Variants in IQGAP2 observed in about 807,000 individuals in gnomAD.
IQGAP2 encodes ras GTPase-activating-like protein IQGAP2.
A neutral mutation model predicts 201.3 loss-of-function variants in IQGAP2; 173 were observed. The ratio of observed to expected loss-of-function variants is 0.86; its 90% CI spans 0.76 to 0.98. The LOEUF (loss-of-function observed/expected upper bound fraction) is 0.98. IQGAP2 is among the 50% of genes least tolerant of loss of function. The probability of loss-of-function intolerance (pLI) is 0.00; values close to 1 mark genes in which losing one functional copy is unlikely to be tolerated. For synonymous variants in IQGAP2, 675 were observed against 673.9 expected, an observed-to-expected ratio of 1.00 and a Z score of -0.03; for missense variants, 1,687 against 1,864.8, an observed-to-expected ratio of 0.90 and a Z score of 1.76.
At chr5:76,426,905 GGTGTGTGTGTGT>G (rs141560559) in intron 1 of IQGAP2, among the ~76,000 whole-genome samples, 1 of 146,584 alleles carries the variant, frequency 6.8e-6, no homozygotes, top group Non-Finnish European at 1.5e-5. Context: ...AACCATGGAG[GGTGTGTGTGTGT>G]GTGTGTGTGT....
At chr5:76,633,461 T>C (rs395661) in intron 15 of IQGAP2, among the ~76,000 whole-genome samples, 86,922 of 152,020 alleles carry the variant, frequency 0.57, 24,933 homozygotes, top group South Asian at 0.63. Context: ...CATTTTTATT[T>C]TATTGTAAAT....
At chr5:76,643,922 A>T (rs1580704701) in intron 17 of IQGAP2, among the ~76,000 whole-genome samples, 1 of 151,336 alleles carries the variant, frequency 6.6e-6, no homozygotes, top group Admixed American at 6.6e-5. Flanking sequence ...AGATGGCTGG[A>T]TTTTTTTTAC....
chr5:76,662,619 T>C (rs1315611759), intron 21 of IQGAP2, among the ~76,000 whole-genome samples: 2 of 152,228 alleles, frequency 1.3e-5, no homozygotes, highest in East Asian at 3.8e-4. Flanking sequence ...TACATACATG[T>C]CGCCAGCTAT....
Position 76,668,682 on chromosome 5 carries a change from C to T in IQGAP2, c.2681C>T (p.Thr894Ile), listed in dbSNP as rs34950321. ...TYQQLFYLLQ[T>I]NPLYLAKLIF... is the part of the protein sequence containing the mutation. ...TTCTTTTTCCTTCTTTCCTTCTAGA[C>T]CAACCCTTTATACTTGGCTAAGCTG... Residue 894 changes from threonine (T) to isoleucine (I), a missense_variant and splice_region_variant, in exon 23 of 36, where the codon ACC (threonine) becomes ATC (isoleucine). Coordinates refer to ENST00000274364, the MANE Select transcript of IQGAP2 (RefSeq NM_006633.5). The T allele has an allele frequency of 0.018, 28,705 of 1,604,438 alleles. 356 individuals are homozygous for T. The highest frequency in any genetic ancestry group is 0.03 in the Middle Eastern group (179 of 5,920).
intron 8 of IQGAP2, among the ~76,000 whole-genome samples, chr5:76,592,348 A>G (rs937354431): frequency 6.6e-6 from 1 of 152,094 alleles, no homozygotes. Context: ...TCTGTTTCCT[A>G]TTCTTGACAT....
chr5:76,613,726 G>A (rs546176135), intron 13 of IQGAP2, among the ~76,000 whole-genome samples: 142 of 151,612 alleles, frequency 9.4e-4, no homozygotes, highest in Non-Finnish European at 1.7e-3. Flanking sequence ...GTGGAGTCTC[G>A]CTCAGTTACC....
chr5:76,573,475 C>A (rs767723225), intron 4 of IQGAP2, among the ~76,000 whole-genome samples: 9 of 152,180 alleles, frequency 5.9e-5, no homozygotes, highest in Non-Finnish European at 1.0e-4. Context: ...AAATTGATCT[C>A]ATCTCCTTGC....
intron 13 of IQGAP2, chr5:76,615,846 C>T (rs528861543): frequency 6.5e-6 from 1 of 152,712 alleles, no homozygotes; most frequent in South Asian, 2.1e-4. Context: ...TTCTAAATGG[C>T]CTGGTGAGTA....
intron 2 of IQGAP2, among the ~76,000 whole-genome samples, chr5:76,471,264 G>C (rs1411052390): frequency 1.3e-5 from 2 of 148,486 alleles, no homozygotes; most frequent in African/African-American, 2.5e-5. Flanking sequence ...CCCAAGGAAA[G>C]TTCCTGTGAT....
chr5:76,429,545 C>G (rs1752216252), intron 1 of IQGAP2, among the ~76,000 whole-genome samples: 1 of 145,460 alleles, frequency 6.9e-6, no homozygotes, highest in Admixed American at 6.9e-5. Flanking sequence ...GCACTCCAGC[C>G]TGGGCGACAG....
At chr5:76,522,205 C>T (rs1375442171) in intron 2 of IQGAP2, among the ~76,000 whole-genome samples, 1 of 142,326 alleles carries the variant, frequency 7.0e-6, no homozygotes, top group Non-Finnish European at 1.5e-5. Flanking sequence ...TTTCTAAAGG[C>T]GGAGTGTTTC....
chr5:76,669,214 A>T (rs1744072198), intron 23 of IQGAP2, among the ~76,000 whole-genome samples: 2 of 152,218 alleles, frequency 1.3e-5, no homozygotes, highest in Admixed American at 1.3e-4. Flanking sequence ...TTCTTTCTAG[A>T]ACTTAAACTA....
intron 15 of IQGAP2, among the ~76,000 whole-genome samples, chr5:76,633,794 T>C (rs1004262111): frequency 6.6e-6 from 1 of 152,194 alleles, no homozygotes; most frequent in African/African-American, 2.4e-5. Context: ...ATACATAGCC[T>C]TTTGTGCCTG....
At chr5:76,603,276 T>C (rs1747558702) in intron 11 of IQGAP2, among the ~76,000 whole-genome samples, 1 of 152,202 alleles carries the variant, frequency 6.6e-6, no homozygotes. Flanking sequence ...ATACATTATG[T>C]TCTGTGAGGT....
In IQGAP2 at chr5:76,463,130, A is replaced by C. The variant is rs561448332; in HGVS notation, c.146+1461A>C. 7.5e-4 allele frequency among the ~76,000 whole-genome samples: 113 copies of C among 151,494 alleles called. 1 individual carries two copies. In the South Asian group the frequency reaches 0.015, roughly 21 times the overall value. ...AGAGTGAGACGCTGTCTTTAAAAAA[A>C]AAAAAAAAAAAAAGGAAAAGAAAGA... On this transcript the variant is annotated intron_variant, in intron 2 of 35. Transcript: ENST00000274364.
intron 2 of IQGAP2, among the ~76,000 whole-genome samples, chr5:76,542,337 A>G (rs1742832819): frequency 6.6e-6 from 1 of 152,214 alleles, no homozygotes; most frequent in African/African-American, 2.4e-5. Context: ...ACTTTTCAAG[A>G]AATCCCAAAG....
At chr5:76,452,074 T>C (rs1306213672) in intron 1 of IQGAP2, among the ~76,000 whole-genome samples, 1 of 151,300 alleles carries the variant, frequency 6.6e-6, no homozygotes, top group Non-Finnish European at 1.5e-5. Context: ...ATTTCTGATA[T>C]AGATATAGTA....
rs1318104590 is a variant in IQGAP2 at position 76,589,669 on chromosome 5, C to T, written c.581C>T (p.Pro194Leu). 6.2e-7 allele frequency: 1 copy of T among 1,609,110 alleles called. No individual in the cohort carries two copies. The highest frequency in any genetic ancestry group is 2.2e-5 in the East Asian group (1 of 44,720). The change falls in exon 7 of 36, where the codon CCA (proline) becomes CTA (leucine). Residue 194 changes from proline to leucine, a missense_variant. Physicochemically the swap from Pro to Leu is moderately conservative, Grantham distance 98. Transcript: ENST00000274364. Reference protein sequence around the residue: ...KELEKYGIQMPSFSKIGGILA... With the variant: ...KELEKYGIQMLSFSKIGGILA... ...CTTGAGAAATATGGAATACAGATGCCATCTTTCAGCAAAATAGGTGGTATT... is the reference window on the plus strand; with the variant it reads ...CTTGAGAAATATGGAATACAGATGCTATCTTTCAGCAAAATAGGTGGTATT...
Position 76,683,808 on chromosome 5 carries a change from A to G in IQGAP2, c.3796A>G (p.Lys1266Glu), listed in dbSNP as rs141592712. The G allele has an allele frequency of 6.2e-7, 1 of 1,613,270 alleles. No homozygotes were observed. Among genetic ancestry groups the G allele is most frequent in the Non-Finnish European group, 8.5e-7 (1 of 1,179,674 alleles). ...AGCAGTTGACCCCAATGACCCTAAC[A>G]AGGCAAATACACTAAGTCAGCTTTC... ...EGAVDPNDPN[K>E]ANTLSQLSKT... Residue 1266 changes from lysine to glutamate, a missense_variant, in exon 30 of 36, where the codon AAG becomes GAG. By Grantham distance (56) the Lys-to-Glu change is moderately conservative. Transcript: ENST00000274364.
Sources: allele counts gnomAD v4.1 joint callset (sites outside exome capture counted in the v4.1 genomes callset), GRCh38; gene constraint gnomAD v4.1.1; transcripts MANE v1.5; gene names NCBI Gene and HGNC (gene_info 2026-07-23, HGNC 2026-07-21).